Variants in CACNA1C observed in about 807,000 individuals in gnomAD.
CACNA1C encodes the protein calcium voltage-gated channel subunit alpha1 C, also known as voltage-dependent L-type calcium channel subunit alpha-1C.
A neutral mutation model predicts 229.0 loss-of-function variants in CACNA1C; 30 were observed. That is an observed-to-expected ratio of 0.13 (90% CI 0.10 to 0.18). The LOEUF is 0.18. CACNA1C is among the 10% of genes least tolerant of loss of function. CACNA1C has a pLI of 1.00. For missense variants in CACNA1C, 1,658 were observed against 2,845.0 expected, an observed-to-expected ratio of 0.58 and a Z score of 9.49; for synonymous variants, 1,114 against 1,132.5, an observed-to-expected ratio of 0.98 and a Z score of 0.33.
At chr12:2,583,609 G>A (rs915325170) in intron 15 of CACNA1C, among the ~76,000 whole-genome samples, 2 of 152,206 alleles carry the variant, frequency 1.3e-5, no homozygotes, top group Non-Finnish European at 2.9e-5. Flanking sequence ...AGAAAACACA[G>A]TCATGGAAGC....
chr12:2,113,130 C>A (rs1205502842), intron 1 of CACNA1C, among the ~76,000 whole-genome samples: 1 of 152,212 alleles, frequency 6.6e-6, no homozygotes, highest in Non-Finnish European at 1.5e-5. Flanking sequence ...AGAGGCCACA[C>A]CTGTCTCACC....
chr12:2,117,787 G>C lies in CACNA1C; in HGVS notation c.371+2242G>C, dbSNP rs1413581979. ...TAACACCTACTCCCTGGGTGCTGTG[G>C]CCACCCCTCCGGGGGAGTGTGCCTT... On this transcript the variant is annotated intron_variant, in intron 2 of 46. Transcript: ENST00000399655. Among the ~76,000 whole-genome samples, 5 of 152,232 alleles carry C rather than the reference G, an allele frequency of 3.3e-5. 1 individual carries two copies. Among genetic ancestry groups the C allele is most frequent in the Non-Finnish European group, 7.3e-5 (5 of 68,040 alleles).
At chr12:2,253,429 C>A (rs1438353395) in intron 3 of CACNA1C, among the ~76,000 whole-genome samples, 1 of 152,220 alleles carries the variant, frequency 6.6e-6, no homozygotes, top group Non-Finnish European at 1.5e-5. Context: ...AGGCTTAGAA[C>A]TCCTCCTTGG....
rs536854986 is a variant in CACNA1C, at chr12:2,519,446, C to T, written c.1390+6462C>T. On this transcript the variant is annotated intron_variant, in intron 9 of 46. Coordinates refer to ENST00000399655, the MANE Select transcript of CACNA1C (RefSeq NM_000719.7). ...CAGAATTGACTTCCTTGTGGCATCA[C>T]CGATGACATCCTTTCAAAGTCATTT... Among the ~76,000 whole-genome samples the T allele has an allele frequency of 2.0e-5, 3 of 152,344 alleles. No individual in the cohort carries two copies. In the East Asian group the frequency reaches 5.8e-4, roughly 29 times the overall value.
intron 3 of CACNA1C, among the ~76,000 whole-genome samples, chr12:2,339,694 C>T (rs981159514): frequency 7.2e-5 from 11 of 152,138 alleles, no homozygotes; most frequent in African/African-American, 2.4e-4. Context: ...CCTAGACCTA[C>T]GCAGGTCATC....
intron 13 of CACNA1C, among the ~76,000 whole-genome samples, chr12:2,579,382 T>C (rs1358874483): frequency 6.6e-6 from 1 of 152,098 alleles, no homozygotes; most frequent in East Asian, 1.9e-4. Flanking sequence ...ATTCTTGTTA[T>C]AAATATGCTT....
Position 2,674,875 on chromosome 12 carries a change from A to T in CACNA1C, c.4828+233A>T, listed in dbSNP as rs149964441. Among the ~76,000 whole-genome samples, 11 of 152,346 alleles carry T rather than the reference A, an allele frequency of 7.2e-5. No homozygotes were observed. The East Asian group carries it at 1.9e-3, about 27-fold the overall frequency. The stretch of plus-strand genomic sequence containing the variant: ...GCCCTGCACAAACTCAGAAACAGAA[A>T]GTCAGGTTGGAAATCTGGTACAACC... On this transcript the variant is annotated intron_variant, in intron 39 of 46. Transcript: ENST00000399655.
intron 4 of CACNA1C, among the ~76,000 whole-genome samples, chr12:2,453,241 C>G (rs1693423772): frequency 6.6e-6 from 1 of 152,160 alleles, no homozygotes; most frequent in Non-Finnish European, 1.5e-5. Flanking sequence ...CCTCATCGCT[C>G]AGCCCTGCCT....
intron 1 of CACNA1C, among the ~76,000 whole-genome samples, chr12:1,980,318 A>G (rs2035743527): frequency 6.6e-6 from 1 of 152,212 alleles, no homozygotes; most frequent in Non-Finnish European, 1.5e-5. Flanking sequence ...ATTCACTTCA[A>G]AGTACCTGAG....
At chr12:2,635,277 C>T (rs2092354118) in intron 30 of CACNA1C, among the ~76,000 whole-genome samples, 1 of 152,216 alleles carries the variant, frequency 6.6e-6, no homozygotes, top group Non-Finnish European at 1.5e-5. Context: ...TCCTCCTATA[C>T]AGTTCCTACC....
rs1435842885 is a variant in CACNA1C, at chr12:2,697,602, G to A, written c.*6403G>A. 2 of 151,954 alleles carry A rather than the reference G, an allele frequency of 1.3e-5. No homozygotes were observed. Among genetic ancestry groups the A allele is most frequent in the Non-Finnish European group, 2.9e-5 (2 of 68,036 alleles). The allele number at this position is 151,954 out of a possible 1,614,324, so 9.4% of individuals were successfully genotyped here. Reference sequence around the variant, plus strand: ...GTTATCAGAGAGGCACAGAAAGATGGGCAGTGCCTCCGTTGTCACCATTCC... The same window carrying A: ...GTTATCAGAGAGGCACAGAAAGATGAGCAGTGCCTCCGTTGTCACCATTCC... On this transcript the variant is annotated 3_prime_UTR_variant, in exon 47 of 47. Coordinates refer to ENST00000399655, the MANE Select transcript of CACNA1C (RefSeq NM_000719.7).
chr12:2,011,610 G>A (rs1278436041), intron 1 of CACNA1C, among the ~76,000 whole-genome samples: 5 of 152,174 alleles, frequency 3.3e-5, no homozygotes, highest in African/African-American at 4.8e-5. Flanking sequence ...TATCAAATGC[G>A]TATCAAATCT....
intron 3 of CACNA1C, among the ~76,000 whole-genome samples, chr12:2,335,814 A>G (rs941563394): frequency 6.6e-6 from 1 of 152,210 alleles, no homozygotes; most frequent in East Asian, 1.9e-4. Flanking sequence ...GAGACGCAGG[A>G]TGAAGAAAGT....
intron 4 of CACNA1C, among the ~76,000 whole-genome samples, chr12:2,454,162 T>A (rs952417161): frequency 5.3e-5 from 8 of 152,158 alleles, no homozygotes; most frequent in Non-Finnish European, 1.0e-4. Context: ...GAGTCACCCC[T>A]CCTTGTGCCT....
intron 3 of CACNA1C, among the ~76,000 whole-genome samples, chr12:2,135,121 C>T (rs1476953706): frequency 2.7e-5 from 4 of 147,850 alleles, no homozygotes; most frequent in Non-Finnish European, 4.5e-5. Flanking sequence ...CTTCTGCATT[C>T]TTCATGTAGT....
rs751050441 is a variant in CACNA1C, at chr12:2,651,776, C to T, written c.4074+8C>T. ...TTCATCAAGTCCTTCCAGGTAGCCG[C>T]CCCTCATGTCCTGCGGCCCGGGGAA... On this transcript the variant is annotated splice_region_variant and intron_variant, in intron 32 of 46. Coordinates refer to ENST00000399655, the MANE Select transcript of CACNA1C (RefSeq NM_000719.7). This position sits in a 1 kb window ranked among gnomAD's most constrained non-coding sequence, Gnocchi z 5.4. The T allele has an allele frequency of 3.1e-6, 5 of 1,589,732 alleles. No individual in the cohort carries two copies. In the Admixed American group the frequency reaches 6.8e-5, roughly 22 times the overall value.
intron 5 of CACNA1C, among the ~76,000 whole-genome samples, chr12:2,472,118 T>G (rs1396572667): frequency 6.6e-6 from 1 of 152,226 alleles, no homozygotes; most frequent in Non-Finnish European, 1.5e-5. Context: ...TGCTTGGAGT[T>G]TTCTGAGCTT....
chr12:2,500,009 TTCAGACCAGAGC>T (rs1314721796), intron 7 of CACNA1C, among the ~76,000 whole-genome samples: 1 of 152,028 alleles, frequency 6.6e-6, no homozygotes, highest in Non-Finnish European at 1.5e-5. Flanking sequence ...GAACTTTCCT[TTCAGACCAGAGC>T]CAGGCAGGCC....
At chr12:2,097,851 A>G (rs1007642710) in intron 1 of CACNA1C, among the ~76,000 whole-genome samples, 1 of 152,200 alleles carries the variant, frequency 6.6e-6, no homozygotes, top group Non-Finnish European at 1.5e-5. Context: ...CTTTGAGATC[A>G]GTAGGGGAGG....
Sources: allele counts gnomAD v4.1 joint callset (sites outside exome capture counted in the v4.1 genomes callset), GRCh38; gene constraint gnomAD v4.1.1; non-coding constraint Gnocchi (gnomAD v3.1); transcripts MANE v1.5; gene names NCBI Gene and HGNC (gene_info 2026-07-23, HGNC 2026-07-21).